ZNF536: variants seen among roughly 807,000 people sequenced by gnomAD.
The protein encoded by ZNF536 is zinc finger protein 536.
ZNF536 carries 13 observed loss-of-function variants against 84.5 expected under a neutral mutation model. The ratio of observed to expected loss-of-function variants is 0.15; its 90% CI spans 0.10 to 0.24. The LOEUF (loss-of-function observed/expected upper bound fraction) is 0.24, where lower values mean the gene tolerates loss of function less well. ZNF536 is among the 10% of genes least tolerant of loss of function. The pLI, the probability that ZNF536 is intolerant of heterozygous loss-of-function variation, is 1.00. For synonymous variants in ZNF536, 811 were observed against 742.5 expected (o/e 1.09, Z -1.50); for missense variants, 1,536 against 1,747.5 (o/e 0.88, Z 2.16).
chr19:30,622,220 GC>G (rs2048508243), intron 1 of ZNF536, among the ~76,000 whole-genome samples: 1 of 152,226 alleles, frequency 6.6e-6, no homozygotes, highest in Non-Finnish European at 1.5e-5. Context: ...AAATATGGCA[GC>G]AGCTGATATT....
intron 1 of ZNF536, among the ~76,000 whole-genome samples, chr19:30,630,059 T>C (rs968306893): frequency 9.8e-5 from 15 of 152,294 alleles, no homozygotes; most frequent in African/African-American, 3.6e-4. Context: ...AGCTACTCTC[T>C]AGGGAAGAGA....
intron 2 of ZNF536, among the ~76,000 whole-genome samples, chr19:30,345,472 T>C (rs2047711178): frequency 6.6e-6 from 1 of 152,232 alleles, no homozygotes; most frequent in South Asian, 2.1e-4. Context: ...TCAAGAAGTG[T>C]CTTCACCAGT....
chr19:30,338,293 TATG>T lies in ZNF536; in HGVS notation c.-119-14067_-119-14065del, dbSNP rs998862950. Among the ~76,000 whole-genome samples the T allele has an allele frequency of 5.9e-5, 9 of 151,738 alleles. No homozygotes were observed. The South Asian group carries it at 1.0e-3, about 18-fold the overall frequency. On this transcript the variant is annotated intron_variant, in intron 2 of 5. Coordinates refer to the ZNF536 transcript ENST00000585628. ...ATGATGATGGTGATGACAATGATAA[TATG>T]ATGATGACAATGATAATATGATGAT... is the stretch of plus-strand genomic sequence containing the variant.
intron 1 of ZNF536, among the ~76,000 whole-genome samples, chr19:30,617,517 A>AT (rs1214540258): frequency 2.0e-5 from 3 of 150,386 alleles, no homozygotes; most frequent in Non-Finnish European, 3.0e-5. Flanking sequence ...CGCCTGGCTA[A>AT]TTTTTTGTAT....
At chr19:30,502,407 G>C (rs1160423423) in intron 2 of ZNF536, among the ~76,000 whole-genome samples, 1 of 152,036 alleles carries the variant, frequency 6.6e-6, no homozygotes, top group African/African-American at 2.4e-5. Flanking sequence ...ACTTGGGGTG[G>C]GATTGAGGTG....
At chr19:30,694,147 G>A (rs2051551657) in intron 1 of ZNF536, among the ~76,000 whole-genome samples, 1 of 152,170 alleles carries the variant, frequency 6.6e-6, no homozygotes, top group African/African-American at 2.4e-5. Flanking sequence ...CCCTCCCCTT[G>A]TGGCTTTCCT....
At chr19:30,266,128 A>G (rs1000345502) in intron 1 of ZNF536, among the ~76,000 whole-genome samples, 4 of 152,200 alleles carry the variant, frequency 2.6e-5, no homozygotes, top group African/African-American at 9.7e-5. Context: ...AGCTCACTGC[A>G]GCCTTGAATT....
intron 2 of ZNF536, among the ~76,000 whole-genome samples, chr19:30,315,854 T>C (rs1160148749): frequency 6.6e-6 from 1 of 152,212 alleles, no homozygotes; most frequent in Non-Finnish European, 1.5e-5. Flanking sequence ...AAATTGACAT[T>C]GAAGCCTACA....
At chr19:30,404,800 CA>C (rs1376246995) in intron 1 of ZNF536, among the ~76,000 whole-genome samples, 8 of 152,108 alleles carry the variant, frequency 5.3e-5, no homozygotes, top group Non-Finnish European at 1.5e-5. Flanking sequence ...ATTCTGCCAC[CA>C]TCTACCCAGA....
intron 2 of ZNF536, among the ~76,000 whole-genome samples, chr19:30,344,443 A>AAC (rs2047675725): frequency 1.5e-5 from 2 of 137,828 alleles, no homozygotes; most frequent in South Asian, 4.5e-4. Flanking sequence ...TCCATCTCAA[A>AAC]AAAAAAAAAA....
At position 30,566,568 on chromosome 19, in the gene ZNF536, C is replaced by G. The variant is rs74902966; in HGVS notation, c.169+17054C>G. Among the ~76,000 whole-genome samples, 8 of 152,376 alleles carry G rather than the reference C, an allele frequency of 5.3e-5. No individual in the cohort carries two copies. In the East Asian group the frequency reaches 1.5e-3, roughly 29 times the overall value. The stretch of plus-strand genomic sequence containing the variant: ...GCATCTTGTCACACCTAAGATCACT[C>G]GCATGTAAACAACGGGGCTGAGATT... On this transcript the variant is annotated intron_variant, in intron 1 of 1. Transcript: ENST00000592773.
chr19:30,274,884 T>G (rs1363566546), intron 1 of ZNF536, among the ~76,000 whole-genome samples: 1 of 152,220 alleles, frequency 6.6e-6, no homozygotes, highest in Non-Finnish European at 1.5e-5. Context: ...ATAGATATCT[T>G]GGGGTTTGAT....
chr19:30,671,619 C>G (rs1379731205), intron 1 of ZNF536, among the ~76,000 whole-genome samples: 2 of 152,154 alleles, frequency 1.3e-5, no homozygotes, highest in Non-Finnish European at 2.9e-5. Flanking sequence ...AGGGAGGTGG[C>G]TCTTCCTCAG....
At chr19:30,607,023 T>C (rs2047923512) in intron 1 of ZNF536, among the ~76,000 whole-genome samples, 1 of 152,158 alleles carries the variant, frequency 6.6e-6, no homozygotes, top group Admixed American at 6.5e-5. Flanking sequence ...GGCCATGCCA[T>C]TGTACCAACC....
intron 1 of ZNF536, among the ~76,000 whole-genome samples, chr19:30,278,143 C>T (rs1000248852): frequency 6.6e-6 from 1 of 152,164 alleles, no homozygotes; most frequent in African/African-American, 2.4e-5. Flanking sequence ...TCACAGTTCC[C>T]AAGAGGAAGA....
chr19:30,478,958 C>T (rs2053962711), intron 2 of ZNF536, among the ~76,000 whole-genome samples: 2 of 152,118 alleles, frequency 1.3e-5, no homozygotes, highest in South Asian at 4.1e-4. Flanking sequence ...GTCTGGGGAC[C>T]ACGGATTCTC....
At chr19:30,333,044 C>G (rs1324711740) in intron 2 of ZNF536, among the ~76,000 whole-genome samples, 5 of 152,164 alleles carry the variant, frequency 3.3e-5, no homozygotes, top group Non-Finnish European at 7.3e-5. Context: ...TGCATGCCTT[C>G]CTGGTAGAAA....
chr19:30,291,528 T>A (rs2045840726), intron 2 of ZNF536, among the ~76,000 whole-genome samples: 1 of 152,262 alleles, frequency 6.6e-6, no homozygotes, highest in Admixed American at 6.5e-5. Flanking sequence ...CACTTTTTGA[T>A]GGGTTTGTTT....
At chr19:30,705,072 T>G (rs1001664569) in intron 1 of ZNF536, among the ~76,000 whole-genome samples, 1 of 152,194 alleles carries the variant, frequency 6.6e-6, no homozygotes, top group Non-Finnish European at 1.5e-5. Context: ...GACTCAGAAA[T>G]GTGTCATGTC....
Sources: gnomAD v4.1 joint callset for allele counts (sites outside exome capture counted in the v4.1 genomes callset) on GRCh38, gnomAD v4.1.1 for gene constraint, MANE v1.5 for transcripts, NCBI Gene and HGNC (gene_info 2026-07-23, HGNC 2026-07-21) for gene names.